Variants in NOCT observed in about 807,000 individuals in gnomAD.
The protein encoded by NOCT is CCR4 carbon catabolite repression 4-like.
Under a neutral mutation model 35.0 loss-of-function variants are expected in NOCT, and 18 were observed. The ratio of observed to expected loss-of-function variants is 0.51; its 90% CI spans 0.36 to 0.76. The LOEUF is 0.76. NOCT is among the 30% of genes least tolerant of loss of function. The pLI is 0.01. For synonymous variants in NOCT, 235 were observed against 226.3 expected (o/e 1.04, Z -0.34); for missense variants, 479 against 541.0 (o/e 0.89, Z 1.14).
At chr4:139,042,914 C>CAAAAAA (rs375909985) in intron 1 of NOCT, among the ~76,000 whole-genome samples, 160 bp from the exon 2 acceptor site, 3 of 81,786 alleles carry the variant, frequency 3.7e-5, no homozygotes, top group African/African-American at 1.4e-4. Context: ...AACTCCATCT[C>CAAAAAA]AAAAAAAAAA....
intron 1 of NOCT, among the ~76,000 whole-genome samples, chr4:139,016,883 G>A (rs1224351407): frequency 6.6e-6 from 1 of 151,398 alleles, no homozygotes; most frequent in African/African-American, 2.4e-5. Context: ...TTGAACTCCT[G>A]ACCTCGTGAT....
At chr4:139,031,887 A>G (rs529429181) in intron 1 of NOCT, among the ~76,000 whole-genome samples, 1 of 151,854 alleles carries the variant, frequency 6.6e-6, no homozygotes, top group East Asian at 2.0e-4. Flanking sequence ...TAATTTTTGT[A>G]TTTTTAGTAG....
At chr4:139,020,430 G>C (rs1006963501) in intron 1 of NOCT, among the ~76,000 whole-genome samples, 6 of 152,150 alleles carry the variant, frequency 3.9e-5, no homozygotes, top group African/African-American at 1.4e-4. Flanking sequence ...TTTTGGAAGG[G>C]GACAGTTTGC....
At chr4:139,021,344 C>T (rs543997119) in intron 1 of NOCT, among the ~76,000 whole-genome samples, 78 of 152,144 alleles carry the variant, frequency 5.1e-4, no homozygotes, top group African/African-American at 1.7e-3. Context: ...CAGGGCCGGG[C>T]ACAGTGGCTC....
At chr4:139,042,914 CAAAAAAAA>C (rs375909985) in intron 1 of NOCT, among the ~76,000 whole-genome samples, 152 bp from the exon 2 acceptor site, 52 of 81,810 alleles carry the variant, frequency 6.4e-4, no homozygotes, top group Non-Finnish European at 9.4e-4. Flanking sequence ...AACTCCATCT[CAAAAAAAA>C]AAAAAAAGAA....
At chr4:139,018,740 A>C (rs1726360547) in intron 1 of NOCT, among the ~76,000 whole-genome samples, 2 of 152,254 alleles carry the variant, frequency 1.3e-5, no homozygotes, top group Admixed American at 6.5e-5. Context: ...TGAGATTTGC[A>C]CAATGAAATG....
In NOCT at chr4:139,034,228, C is replaced by T. The variant is rs531719552; in HGVS notation, c.191-8846C>T. Among the ~76,000 whole-genome samples the T allele has an allele frequency of 2.0e-5, 3 of 152,096 alleles. No homozygotes were observed. In the South Asian group the frequency reaches 6.2e-4, roughly 32 times the overall value. ...GGAACAGCACTGTGTCTCCCCACCCCCCACCTTATTGGTATTAATCCATTG... is the reference window on the plus strand; with the variant it reads ...GGAACAGCACTGTGTCTCCCCACCCTCCACCTTATTGGTATTAATCCATTG... On this transcript the variant is annotated intron_variant, in intron 1 of 2. Coordinates refer to ENST00000280614, the MANE Select transcript of NOCT (RefSeq NM_012118.4).
chr4:139,020,535 G>T (rs1726388853), intron 1 of NOCT, among the ~76,000 whole-genome samples: 1 of 152,220 alleles, frequency 6.6e-6, no homozygotes, highest in Non-Finnish European at 1.5e-5. Flanking sequence ...CTTAGGAAAA[G>T]GGGTAGAGGC....
Position 139,045,177 on chromosome 4 carries a change from C to T in NOCT, c.999C>T (p.Val333=), listed in dbSNP as rs1251181054. ...GDFNAEPTEE[V]YKHFASSSLN... is the part of the protein sequence containing the mutation. ...TCAATGCAGAGCCAACAGAAGAGGTCTACAAACACTTTGCTTCCTCCAGCC... is the reference window on the plus strand; with the variant it reads ...TCAATGCAGAGCCAACAGAAGAGGTTTACAAACACTTTGCTTCCTCCAGCC... The change falls in exon 3 of 3, where the codon GTC becomes GTT. Residue 333 remains valine (V), a synonymous_variant. Coordinates refer to ENST00000280614, the MANE Select transcript of NOCT (RefSeq NM_012118.4). 3 of 1,614,154 alleles carry T rather than the reference C, an allele frequency of 1.9e-6. No individual in the cohort carries two copies. The South Asian group carries it at 3.3e-5, about 18-fold the overall frequency.
At chr4:139,026,336 G>C (rs918826402) in intron 1 of NOCT, among the ~76,000 whole-genome samples, 1 of 152,006 alleles carries the variant, frequency 6.6e-6, no homozygotes, top group African/African-American at 2.4e-5. Flanking sequence ...CCTGACCTCT[G>C]GTGATCCACC....
intron 1 of NOCT, among the ~76,000 whole-genome samples, chr4:139,037,354 A>G (rs900175498): frequency 6.6e-6 from 1 of 152,262 alleles, no homozygotes; most frequent in Non-Finnish European, 1.5e-5. Context: ...GAGTAGTGTT[A>G]TCACACCTGA....
chr4:139,039,294 A>G (rs1022668538), intron 1 of NOCT, among the ~76,000 whole-genome samples: 7 of 151,724 alleles, frequency 4.6e-5, no homozygotes, highest in African/African-American at 1.7e-4. Context: ...CTTGGCTTAC[A>G]CTTTATGTAT....
chr4:139,022,458 A>G (rs1334859611), intron 1 of NOCT, among the ~76,000 whole-genome samples: 1 of 152,178 alleles, frequency 6.6e-6, no homozygotes, highest in South Asian at 2.1e-4. Context: ...TCCAGTATAT[A>G]AAAAAATGCG....
At chr4:139,039,975 G>A (rs1578632754) in intron 1 of NOCT, among the ~76,000 whole-genome samples, 1 of 151,752 alleles carries the variant, frequency 6.6e-6, no homozygotes, top group East Asian at 1.9e-4. Context: ...TGATCCGCCC[G>A]CCTCAGCCTC....
At chr4:139,043,980 G>GTATGTATATATATA (rs1553947370) in intron 2 of NOCT, 1 of 135,388 alleles carries the variant, frequency 7.4e-6, no homozygotes, top group African/African-American at 2.9e-5. Flanking sequence ...AAAAAAATAT[G>GTATGTATATATATA]TATATATATA....
rs78589505 is a variant in NOCT at position 139,031,540 on chromosome 4, T to C, written c.191-11534T>C. Among the ~76,000 whole-genome samples, 802 of 152,178 alleles carry C rather than the reference T, an allele frequency of 5.3e-3. 9 individuals carry two copies. Among genetic ancestry groups the C allele is most frequent in the African/African-American group, 0.017 (708 of 41,504 alleles). ...CGACTGTTGGGGTTGTCATCCAGCA[T>C]TCTAATTATTGATGTGAAGGTGTTT... On this transcript the variant is annotated intron_variant, in intron 1 of 2. Transcript: ENST00000280614.
intron 1 of NOCT, among the ~76,000 whole-genome samples, chr4:139,037,904 G>GAAA (rs538193810): frequency 3.0e-5 from 4 of 133,738 alleles, no homozygotes; most frequent in Non-Finnish European, 6.5e-5. Context: ...GCCCTTTGGG[G>GAAA]AAAAAAAAAA....
chr4:139,036,634 G>A (rs1726743371), intron 1 of NOCT, among the ~76,000 whole-genome samples: 1 of 152,140 alleles, frequency 6.6e-6, no homozygotes, highest in Non-Finnish European at 1.5e-5. Context: ...TTTCTCTCAT[G>A]AATTCATGAG....
At chr4:139,023,388 T>G (rs1406799212) in intron 1 of NOCT, among the ~76,000 whole-genome samples, 1 of 152,256 alleles carries the variant, frequency 6.6e-6, no homozygotes, top group African/African-American at 2.4e-5. Flanking sequence ...CTTGTGTGTT[T>G]TGCTTTTATG....
Sources: allele counts gnomAD v4.1 joint callset (sites outside exome capture counted in the v4.1 genomes callset), GRCh38; gene constraint gnomAD v4.1.1; transcripts MANE v1.5; gene names NCBI Gene and HGNC (gene_info 2026-07-23, HGNC 2026-07-21).